The following KIF26B variants were observed in gnomAD, a reference collection of about 807,000 sequenced individuals.
KIF26B encodes kinesin-like protein KIF26B.
A neutral mutation model predicts 151.2 loss-of-function variants in KIF26B; 63 were observed. The observed-to-expected ratio is 0.42, with a 90% CI of 0.34 to 0.51. The LOEUF is 0.51. KIF26B is among the 20% of genes least tolerant of loss of function. The probability of loss-of-function intolerance (pLI) is 0.07; values close to 1 mark genes in which losing one functional copy is unlikely to be tolerated. For synonymous variants in KIF26B, 1,357 were observed against 1,262.1 expected, an observed-to-expected ratio of 1.08 and a Z score of -1.59; for missense variants, 2,813 against 2,913.6, an observed-to-expected ratio of 0.97 and a Z score of 0.79.
rs571327161 is a variant in KIF26B at position 245,388,786 on chromosome 1, G to T, written c.999+21419G>T. Among the ~76,000 whole-genome samples, 6 of 152,200 alleles carry T rather than the reference G, an allele frequency of 3.9e-5. No homozygotes were observed. In the South Asian group the frequency reaches 1.2e-3, roughly 32 times the overall value. Reference sequence around the variant, plus strand: ...AGCAATGCTGCTCTGAGTCTGTTGGGTGGAAGACATCCAATTGGTGGGTTG... The same window carrying T: ...AGCAATGCTGCTCTGAGTCTGTTGGTTGGAAGACATCCAATTGGTGGGTTG... On this transcript the variant is annotated intron_variant, in intron 3 of 14. Transcript: ENST00000407071.
In KIF26B at chr1:245,221,377, T is replaced by TAA. The variant is rs74163026; in HGVS notation, c.465+64715_465+64716dup. On this transcript the variant is annotated intron_variant, in intron 2 of 14. Transcript: ENST00000407071. ...AGTGGCCTTTCTCTGAAGTTTGAAG[T>TAA]AAAAAAAAAAAAAAAAAAAAAATTC... Among the ~76,000 whole-genome samples, 860 of 131,978 alleles carry TAA rather than the reference T, an allele frequency of 6.5e-3. 9 individuals carry two copies. The highest frequency in any genetic ancestry group is 0.019 in the African/African-American group (665 of 34,940). The allele number at this position is 131,978 out of a possible 152,430, so 86.6% of individuals were successfully genotyped here.
chr1:245,155,565 C>A, intron 1 of KIF26B, 78 bp downstream of exon 1: 2 of 1,272,742 alleles, frequency 1.6e-6, no homozygotes, highest in Non-Finnish European at 2.2e-6. Flanking sequence ...CGGGATCGTG[C>A]GGCCCCGGCC....
intron 2 of KIF26B, among the ~76,000 whole-genome samples, chr1:245,350,924 G>A (rs1381060747): frequency 6.6e-6 from 1 of 152,188 alleles, no homozygotes; most frequent in Non-Finnish European, 1.5e-5. Flanking sequence ...TTCAAATGAT[G>A]TGGGACTCTG....
At chr1:245,372,468 G>C (rs1036983875) in intron 3 of KIF26B, among the ~76,000 whole-genome samples, 1 of 152,096 alleles carries the variant, frequency 6.6e-6, no homozygotes, top group Non-Finnish European at 1.5e-5. Context: ...TTGTCACCCA[G>C]GTAGTGAGCA....
intron 2 of KIF26B, among the ~76,000 whole-genome samples, chr1:245,283,614 T>C (rs186777713): frequency 3.3e-5 from 5 of 152,188 alleles, no homozygotes; most frequent in Non-Finnish European, 4.4e-5. Flanking sequence ...TGCAAAAAAG[T>C]ATATGTAGTG....
chr1:245,432,516 T>G (rs1658804666), intron 4 of KIF26B, among the ~76,000 whole-genome samples: 1 of 152,164 alleles, frequency 6.6e-6, no homozygotes, highest in South Asian at 2.1e-4. Context: ...ACAAACAAAG[T>G]AGGGCTCTCC....
rs570725144 is a variant in KIF26B at position 245,403,990 on chromosome 1, G to A, written c.1000-15589G>A. On this transcript the variant is annotated intron_variant, in intron 3 of 14. Transcript: ENST00000407071. ...GCTTCTTTTTGGAGATGGCCTGATT[G>A]ATTCCAGACTCTGGATCTGAGAAGC... Among the ~76,000 whole-genome samples the A allele has an allele frequency of 4.5e-4, 68 of 152,220 alleles. 1 individual carries two copies. The highest frequency in any genetic ancestry group is 6.8e-3 in the Middle Eastern group (2 of 294).
At chr1:245,283,712 G>T (rs1671108749) in intron 2 of KIF26B, among the ~76,000 whole-genome samples, 1 of 147,124 alleles carries the variant, frequency 6.8e-6, no homozygotes, top group Non-Finnish European at 1.5e-5. Flanking sequence ...TTTTGAGGCG[G>T]ACTCTCACTC....
chr1:245,540,033 C>T lies in KIF26B; in HGVS notation c.1167-734C>T, dbSNP rs1235947618. Among the ~76,000 whole-genome samples the T allele has an allele frequency of 2.6e-5, 4 of 152,228 alleles. No homozygotes were observed. Among genetic ancestry groups the T allele is most frequent in the Admixed American group, 1.3e-4 (2 of 15,288 alleles). ...GAACAGCCTATGTTATTAATGATGC[C>T]GGCAGCCTCCCCTCCCACCTTTCCC... On this transcript the variant is annotated intron_variant, in intron 4 of 14. Coordinates refer to ENST00000407071, the MANE Select transcript of KIF26B (RefSeq NM_018012.4). This position sits in a 1 kb window ranked among gnomAD's most constrained non-coding sequence, Gnocchi z 4.6.
In KIF26B at chr1:245,325,220, A is replaced by G. The variant is rs1000521755; in HGVS notation, c.466-41614A>G. On this transcript the variant is annotated intron_variant, in intron 2 of 14. Coordinates refer to ENST00000407071, the MANE Select transcript of KIF26B (RefSeq NM_018012.4). Reference sequence around the variant, plus strand: ...TCTGTGTACCCATGCTTCTTTATATATATTAAGTTGAACCATATGAAATTG... The same window carrying G: ...TCTGTGTACCCATGCTTCTTTATATGTATTAAGTTGAACCATATGAAATTG... Among the ~76,000 whole-genome samples, 4 of 152,130 alleles carry G rather than the reference A, an allele frequency of 2.6e-5. No individual in the cohort carries two copies. The East Asian group carries it at 7.7e-4, about 29-fold the overall frequency.
chr1:245,607,707 A>G lies in KIF26B; in HGVS notation c.1614A>G (p.Ala538=), dbSNP rs751874217. 6.2e-7 allele frequency: 1 copy of G among 1,613,290 alleles called. No homozygotes were observed. The highest frequency in any genetic ancestry group is 1.1e-5 in the South Asian group (1 of 90,732). The part of the protein sequence containing the change: ...AEVIQSVVNG[A]DGCVFCFGHA... ...TGATCCAGTCTGTGGTCAACGGGGC[A>G]GATGGCTGCGTGTTCTGTTTCGGCC... The change falls in exon 7 of 15, where the codon GCA becomes GCG. Residue 538 remains alanine, a synonymous_variant. Transcript: ENST00000407071.
At chr1:245,278,996 C>T (rs1422971682) in intron 2 of KIF26B, among the ~76,000 whole-genome samples, 1 of 152,184 alleles carries the variant, frequency 6.6e-6, no homozygotes, top group Non-Finnish European at 1.5e-5. Flanking sequence ...ATTCTATTTA[C>T]AGCCCAGCTT....
chr1:245,611,869 G>A lies in KIF26B; in HGVS notation c.1991G>A (p.Arg664His), dbSNP rs774587685. 21 of 1,613,644 alleles carry A rather than the reference G, an allele frequency of 1.3e-5. No homozygotes were observed. Among genetic ancestry groups the A allele is most frequent in the Non-Finnish European group, 1.6e-5 (19 of 1,179,896 alleles). Reference protein sequence around the residue: ...AFFLDAAIASRRSHQQDCDED... With the variant: ...AFFLDAAIASHRSHQQDCDED... ...TTCCTGGATGCCGCCATTGCCTCCC[G>A]CAGGAGCCACCAACAGGACTGTGAT... The change falls in exon 9 of 15, where the codon CGC becomes CAC. Residue 664 changes from arginine to histidine, a missense_variant. Around this residue, in one of 3 missense-constraint regions of KIF26B, gnomAD observed 2,060 missense variants for 2,088.6 expected, o/e 0.99. Coordinates refer to ENST00000407071, the MANE Select transcript of KIF26B (RefSeq NM_018012.4).
chr1:245,260,661 G>C (rs950115157), intron 2 of KIF26B, among the ~76,000 whole-genome samples: 2 of 152,216 alleles, frequency 1.3e-5, no homozygotes, highest in Non-Finnish European at 2.9e-5. Context: ...GAAGAGGGAA[G>C]TACTTCTCAC....
rs779066030 is a variant in KIF26B at position 245,609,279 on chromosome 1, C to T, written c.1665C>T (p.Thr555=). 7 of 1,604,458 alleles carry T rather than the reference C, an allele frequency of 4.4e-6. No individual in the cohort carries two copies. The East Asian group carries it at 1.3e-4, about 31-fold the overall frequency. ...TGGTTCTCCCAGGAAAATCCTACACCATGATCGGAAAGGATGATTCCATGC... is the reference window on the plus strand; with the variant it reads ...TGGTTCTCCCAGGAAAATCCTACACTATGATCGGAAAGGATGATTCCATGC... ...FGHAKLGKSY[T]MIGKDDSMQN... Residue 555 remains threonine, a synonymous_variant, in exon 8 of 15, where the codon ACC becomes ACT. Coordinates refer to ENST00000407071, the MANE Select transcript of KIF26B (RefSeq NM_018012.4).
At chr1:245,243,851 G>A (rs1222054766) in intron 2 of KIF26B, among the ~76,000 whole-genome samples, 2 of 140,946 alleles carry the variant, frequency 1.4e-5, no homozygotes, top group African/African-American at 2.6e-5. Context: ...ACTCTGTCTT[G>A]TAAAAATAAA....
chr1:245,155,213 G>A lies in KIF26B; in HGVS notation c.-212G>A. On this transcript the variant is annotated 5_prime_UTR_variant, in exon 1 of 15. Transcript: ENST00000407071. The stretch of plus-strand genomic sequence containing the variant: ...GAGGAAAAGCATGCTTTGAAGAGAA[G>A]AATAAACCAGCGACCCCAACCCTTT... 3 of 591,992 alleles carry A rather than the reference G, an allele frequency of 5.1e-6. No individual in the cohort carries two copies. The highest frequency in any genetic ancestry group is 4.5e-5 in the South Asian group (2 of 44,354). 36.7% of individuals were successfully genotyped at this position (591,992 alleles called of 1,614,324 possible).
chr1:245,552,034 C>G (rs1661894143), intron 5 of KIF26B, among the ~76,000 whole-genome samples: 1 of 131,450 alleles, frequency 7.6e-6, no homozygotes. Context: ...CAGAGCACTA[C>G]ACGGTGCCCA....
intron 2 of KIF26B, among the ~76,000 whole-genome samples, chr1:245,182,025 A>G (rs1473765501): frequency 1.3e-5 from 2 of 152,100 alleles, no homozygotes; most frequent in East Asian, 3.9e-4. Flanking sequence ...TGCGGGCCTA[A>G]CTCTTGGCCA....
Sources: gnomAD v4.1 joint callset for allele counts (sites outside exome capture counted in the v4.1 genomes callset) on GRCh38, gnomAD v4.1.1 for gene constraint, gnomAD v4.1.1 regional missense constraint, Gnocchi (gnomAD v3.1) non-coding constraint, MANE v1.5 for transcripts, NCBI Gene and HGNC (gene_info 2026-07-23, HGNC 2026-07-21) for gene names.